Variants in SORCS1 observed in about 807,000 individuals in gnomAD.
SORCS1 encodes the protein sortilin related VPS10 domain containing receptor 1, also known as VPS10 domain-containing receptor SorCS1.
Under a neutral mutation model 146.1 loss-of-function variants are expected in SORCS1, and 60 were observed. That is an observed-to-expected ratio of 0.41 (90% confidence interval 0.33 to 0.51). SORCS1 has a LOEUF of 0.51. Among genes scored for constraint, SORCS1 ranks in the 20% least tolerant of loss-of-function variants. SORCS1 has a pLI of 0.21. For synonymous variants in SORCS1, 637 were observed against 584.0 expected, an observed-to-expected ratio of 1.09 and a Z score of -1.31; for missense variants, 1,352 against 1,487.6, an observed-to-expected ratio of 0.91 and a Z score of 1.50.
chr10:106,910,432 A>C (rs369624351), intron 2 of SORCS1, among the ~76,000 whole-genome samples: 1 of 152,064 alleles, frequency 6.6e-6, no homozygotes, highest in East Asian at 1.9e-4. Flanking sequence ...ATGAGAGGAA[A>C]AGGTGCTCAT....
chr10:106,979,616 T>C (rs1327790220), intron 1 of SORCS1, among the ~76,000 whole-genome samples: 1 of 150,886 alleles, frequency 6.6e-6, no homozygotes, highest in African/African-American at 2.4e-5. Flanking sequence ...GATCTGGAGG[T>C]ACTGCGCTTA....
chr10:106,766,293 T>C (rs1859568674), intron 4 of SORCS1, among the ~76,000 whole-genome samples: 1 of 152,198 alleles, frequency 6.6e-6, no homozygotes, highest in African/African-American at 2.4e-5. Flanking sequence ...ATCCTAATAC[T>C]GCCCTGGGGA....
chr10:106,743,353 G>T (rs1057432360), intron 5 of SORCS1, among the ~76,000 whole-genome samples: 7 of 152,108 alleles, frequency 4.6e-5, no homozygotes, highest in Non-Finnish European at 8.8e-5. Context: ...CTGCCTGGCT[G>T]CCACCAGTCC....
At chr10:106,758,009 G>C (rs1858785238) in intron 5 of SORCS1, among the ~76,000 whole-genome samples, 1 of 152,206 alleles carries the variant, frequency 6.6e-6, no homozygotes, top group South Asian at 2.1e-4. Context: ...GCACTACTAA[G>C]ACGTGAATGG....
At chr10:106,980,115 T>G (rs1040110570) in intron 1 of SORCS1, among the ~76,000 whole-genome samples, 3 of 152,132 alleles carry the variant, frequency 2.0e-5, no homozygotes, top group African/African-American at 7.2e-5. Flanking sequence ...ACAAATACAT[T>G]GAGGATTATT....
intron 4 of SORCS1, among the ~76,000 whole-genome samples, chr10:106,766,548 G>A (rs543206117): frequency 1.3e-5 from 2 of 152,150 alleles, no homozygotes; most frequent in East Asian, 3.8e-4. Context: ...CCACAGCATA[G>A]GAGGGGGCCA....
chr10:106,788,968 T>C (rs1946188197), intron 3 of SORCS1, among the ~76,000 whole-genome samples: 2 of 152,222 alleles, frequency 1.3e-5, no homozygotes, highest in African/African-American at 4.8e-5. Flanking sequence ...CATCCAGGCA[T>C]TTCCATACAT....
At chr10:106,730,187 G>C in intron 5 of SORCS1, 73 bp from the exon 6 acceptor site, 1 of 1,402,690 alleles carries the variant, frequency 7.1e-7, no homozygotes, top group Non-Finnish European at 1.0e-6. Context: ...GAACTCGGCA[G>C]AGCCCCCAGA....
At chr10:107,031,231 A>C (rs1244829204) in intron 1 of SORCS1, among the ~76,000 whole-genome samples, 1 of 152,238 alleles carries the variant, frequency 6.6e-6, no homozygotes. Flanking sequence ...ACATGTGTCA[A>C]TAGTTTCTTC....
intron 3 of SORCS1, among the ~76,000 whole-genome samples, chr10:106,793,431 T>G (rs1384141899): frequency 6.6e-6 from 1 of 152,160 alleles, no homozygotes; most frequent in South Asian, 2.1e-4. Context: ...AAAGCGATTT[T>G]GACTAAAGCA....
chr10:107,105,488 G>A (rs1182811388), intron 1 of SORCS1, among the ~76,000 whole-genome samples: 1 of 152,216 alleles, frequency 6.6e-6, no homozygotes, highest in Admixed American at 6.5e-5. Context: ...CAGAAGTCGA[G>A]AAGCCGACAG....
the SORCS1 span, among the ~76,000 whole-genome samples, chr10:107,177,790 G>A: frequency 2.6e-5 from 4 of 152,160 alleles, no homozygotes; most frequent in Non-Finnish European, 5.9e-5. Flanking sequence ...GCAGCAGATG[G>A]TACATATACA....
chr10:106,973,432 G>C (rs546130418), intron 1 of SORCS1, among the ~76,000 whole-genome samples: 34 of 152,128 alleles, frequency 2.2e-4, no homozygotes, highest in Non-Finnish European at 4.3e-4. Context: ...TCCCAGGAAA[G>C]AATCCACTTG....
At chr10:106,766,867 T>C (rs1026127590) in intron 4 of SORCS1, among the ~76,000 whole-genome samples, 1 of 152,226 alleles carries the variant, frequency 6.6e-6, no homozygotes, top group Non-Finnish European at 1.5e-5. Context: ...ACAGCGGGCT[T>C]TGTAATACAA....
intron 22 of SORCS1, among the ~76,000 whole-genome samples, chr10:106,608,338 G>C (rs1056439682): frequency 1.3e-4 from 20 of 152,176 alleles, no homozygotes; most frequent in African/African-American, 4.8e-4. Context: ...ATCTCCACCA[G>C]AATGTCTTTT....
At chr10:107,125,197 C>T (rs1026662738) in intron 1 of SORCS1, among the ~76,000 whole-genome samples, 5 of 152,038 alleles carry the variant, frequency 3.3e-5, no homozygotes, top group Admixed American at 6.5e-5. Flanking sequence ...ATAATCTGCA[C>T]GCCTTGGCCT....
intron 2 of SORCS1, among the ~76,000 whole-genome samples, chr10:106,932,807 A>C (rs1953486787): frequency 6.6e-6 from 1 of 152,200 alleles, no homozygotes; most frequent in Non-Finnish European, 1.5e-5. Context: ...CTAAATGCTT[A>C]ACTGGGGATT....
intron 1 of SORCS1, among the ~76,000 whole-genome samples, chr10:107,075,483 G>A (rs2134205649): frequency 6.6e-6 from 1 of 152,104 alleles, no homozygotes; most frequent in Middle Eastern, 3.4e-3. Flanking sequence ...GATGGCAGAG[G>A]GTATTTGATA....
chr10:107,043,563 A>G, intron 1 of SORCS1, among the ~76,000 whole-genome samples: 1 of 152,084 alleles, frequency 6.6e-6, no homozygotes, highest in East Asian at 1.9e-4. Flanking sequence ...GAGTCTTGGT[A>G]CTCATTCTGG....
Sources: allele counts gnomAD v4.1 joint callset (sites outside exome capture counted in the v4.1 genomes callset), GRCh38; gene constraint gnomAD v4.1.1; transcripts MANE v1.5; gene names NCBI Gene and HGNC (gene_info 2026-07-23, HGNC 2026-07-21).